The following SHROOM4 variants were observed in gnomAD, a reference collection of about 807,000 sequenced individuals.
SHROOM4 encodes shroom family member 4.
In SHROOM4, 17 loss-of-function variants were observed where a neutral mutation model predicts 80.3. The ratio of observed to expected loss-of-function variants is 0.21; its 90% CI spans 0.14 to 0.32. SHROOM4 has a LOEUF of 0.32. SHROOM4 is among the 10% of genes least tolerant of loss of function. The pLI is 1.00. For synonymous variants in SHROOM4, 400 were observed against 437.5 expected, an observed-to-expected ratio of 0.91 and a Z score of 1.07; for missense variants, 993 against 1,140.3, an observed-to-expected ratio of 0.87 and a Z score of 1.86.
chrX:50,783,318 T>G (rs1489991734), intron 1 of SHROOM4, among the ~76,000 whole-genome samples: 10 of 112,107 alleles, frequency 8.9e-5, no homozygotes, highest in Non-Finnish European at 5.6e-5. Flanking sequence ...ATATAAACCA[T>G]TTCTAATAAC....
At chrX:50,755,693 G>T (rs2147613247) in intron 1 of SHROOM4, among the ~76,000 whole-genome samples, 1 of 111,705 alleles carries the variant, frequency 9.0e-6, no homozygotes, top group African/African-American at 3.2e-5. Flanking sequence ...CAGGAGAAAA[G>T]AACTTTAGGA....
chrX:50,730,682 G>A (rs1409392037), intron 1 of SHROOM4, among the ~76,000 whole-genome samples: 2 of 109,434 alleles, frequency 1.8e-5, no homozygotes, highest in African/African-American at 6.7e-5. Flanking sequence ...GGCTGAGGCA[G>A]GAGAATTGCT....
chrX:50,810,027 C>T (rs1306182275), intron 1 of SHROOM4, among the ~76,000 whole-genome samples: 1 of 111,099 alleles, frequency 9.0e-6, no homozygotes, highest in Non-Finnish European at 1.9e-5. Context: ...GGTGGGGTCA[C>T]ACTATGTTGC....
intron 1 of SHROOM4, among the ~76,000 whole-genome samples, chrX:50,758,087 GATT>G: frequency 9.0e-6 from 1 of 111,223 alleles, no homozygotes. Context: ...TTCATTTTCA[GATT>G]ATTACTATAA....
rs1265322913 is a variant in SHROOM4 at position 50,594,987 on chromosome X, G to A, written c.*1708C>T. On this transcript the variant is annotated 3_prime_UTR_variant, in exon 9 of 9. Transcript: ENST00000376020. ...AAGAGGAAATGGAAGCTAGTGACAA[G>A]TATTTGTAACAGCAGCAAAAGTTCC... 2 of 112,619 alleles carry A rather than the reference G, an allele frequency of 1.8e-5. No individual in the cohort carries two copies. The highest frequency in any genetic ancestry group is 3.8e-5 in the Non-Finnish European group (2 of 53,294). The allele number at this position is 112,619 out of a possible 1,213,427, so 9.3% of individuals were successfully genotyped here. A position where few individuals can be genotyped will look rare whatever the true frequency, so the allele number is the denominator to read the frequency against.
At position 50,718,395 on chromosome X, in the gene SHROOM4, AT is replaced by A. The variant is rs782524580; in HGVS notation, c.118-22459del. ...TAGATGCAGGTCAGTGCATGGAACA[AT>A]GTCCTCCAGGTCCCTTGCTGTGCTG... On this transcript the variant is annotated intron_variant, in intron 1 of 8. Coordinates refer to ENST00000376020, the MANE Select transcript of SHROOM4 (RefSeq NM_020717.5). Among the ~76,000 whole-genome samples the A allele has an allele frequency of 2.7e-5, 3 of 111,590 alleles. No individual in the cohort carries two copies. The East Asian group carries it at 8.5e-4, about 32-fold the overall frequency.
At chrX:50,729,142 A>T (rs1414619788) in intron 1 of SHROOM4, among the ~76,000 whole-genome samples, 1 of 112,152 alleles carries the variant, frequency 8.9e-6, no homozygotes, top group Non-Finnish European at 1.9e-5. Flanking sequence ...AGGAAAGCAC[A>T]GCCCATACAT....
chrX:50,752,022 C>A (rs2147604322), intron 1 of SHROOM4, among the ~76,000 whole-genome samples: 1 of 112,317 alleles, frequency 8.9e-6, no homozygotes, highest in African/African-American at 3.2e-5. Context: ...TGTACCATAT[C>A]TGCATCTGAT....
intron 1 of SHROOM4, among the ~76,000 whole-genome samples, chrX:50,761,404 T>G (rs984067763): frequency 8.9e-6 from 1 of 112,327 alleles, no homozygotes; most frequent in Non-Finnish European, 1.9e-5. Flanking sequence ...AGGTGTCCCC[T>G]TTTCTCTACA....
At chrX:50,659,046 G>C (rs1204516762) in intron 2 of SHROOM4, among the ~76,000 whole-genome samples, 1 of 111,511 alleles carries the variant, frequency 9.0e-6, no homozygotes, top group Non-Finnish European at 1.9e-5. Flanking sequence ...TGGTTGTCAA[G>C]GAAGGGTAGA....
At chrX:50,781,626 G>A (rs1351570976) in intron 1 of SHROOM4, among the ~76,000 whole-genome samples, 1 of 110,517 alleles carries the variant, frequency 9.0e-6, no homozygotes, top group Admixed American at 9.7e-5. Flanking sequence ...TCCGAACAAG[G>A]AAAGAGATAT....
intron 2 of SHROOM4, among the ~76,000 whole-genome samples, chrX:50,671,016 A>C (rs1386935221): frequency 8.9e-6 from 1 of 112,244 alleles, no homozygotes; most frequent in Non-Finnish European, 1.9e-5. Context: ...ATGAGTTAGC[A>C]GGCATGAAAA....
At chrX:50,744,148 T>C (rs1420774497) in intron 1 of SHROOM4, among the ~76,000 whole-genome samples, 1 of 111,865 alleles carries the variant, frequency 8.9e-6, no homozygotes, top group Non-Finnish European at 1.9e-5. Flanking sequence ...GATTAATGTC[T>C]TTCATCATAT....
At chrX:50,797,752 G>A (rs1936045644) in intron 1 of SHROOM4, among the ~76,000 whole-genome samples, 1 of 111,461 alleles carries the variant, frequency 9.0e-6, no homozygotes, top group African/African-American at 3.3e-5. Flanking sequence ...GATTGGAGAG[G>A]ATTCAGGAAG....
chrX:50,790,802 A>C (rs1402957225), intron 1 of SHROOM4, among the ~76,000 whole-genome samples: 1 of 111,443 alleles, frequency 9.0e-6, no homozygotes, highest in Non-Finnish European at 1.9e-5. Context: ...CAACAAAATA[A>C]AGGCCATATA....
chrX:50,754,218 G>A (rs1434570346), intron 1 of SHROOM4, among the ~76,000 whole-genome samples: 1 of 111,712 alleles, frequency 9.0e-6, no homozygotes, highest in Non-Finnish European at 1.9e-5. Context: ...ATGGATCTCT[G>A]AGATGATGCT....
chrX:50,604,632 G>C (rs1418025696), intron 6 of SHROOM4, among the ~76,000 whole-genome samples: 3 of 111,817 alleles, frequency 2.7e-5, no homozygotes, highest in Non-Finnish European at 5.6e-5. Context: ...TGTGTCAGAA[G>C]GTGTTATAAA....
At chrX:50,782,204 T>C (rs1420390127) in intron 1 of SHROOM4, among the ~76,000 whole-genome samples, 1 of 106,929 alleles carries the variant, frequency 9.4e-6, no homozygotes, top group Non-Finnish European at 1.9e-5. Flanking sequence ...TGAGAATACA[T>C]CTCAAAAAAA....
rs147600913 is a variant in SHROOM4, at chrX:50,680,575, C to T, written c.269+15211G>A. ...CAGAGAGAGTTTCAGACCTCATGCC[C>T]CTTTACCTCTAAATACTTCAGTTTG... On this transcript the variant is annotated intron_variant, in intron 2 of 8. Transcript: ENST00000376020. Among the ~76,000 whole-genome samples the T allele has an allele frequency of 6.2e-3, 691 of 110,732 alleles. 6 individuals are homozygous for T. The highest frequency in any genetic ancestry group is 0.022 in the African/African-American group (659 of 30,472).
Sources: allele counts gnomAD v4.1 joint callset (sites outside exome capture counted in the v4.1 genomes callset), GRCh38; gene constraint gnomAD v4.1.1; transcripts MANE v1.5; gene names NCBI Gene and HGNC (gene_info 2026-07-23, HGNC 2026-07-21).